THRAP3: variants seen among roughly 807,000 people sequenced by gnomAD.
THRAP3 encodes thyroid hormone receptor associated protein 3, also known as thyroid hormone receptor-associated protein 3.
In THRAP3, 16 loss-of-function variants were observed where a neutral mutation model predicts 101.0. The ratio of observed to expected loss-of-function variants is 0.16; its 90% CI spans 0.11 to 0.24. THRAP3 has a LOEUF of 0.24. Ranked by LOEUF, THRAP3 falls within the 10% of genes least tolerant of loss-of-function variation. THRAP3 has a pLI of 1.00. For synonymous variants in THRAP3, 407 were observed against 422.6 expected (o/e 0.96, Z 0.45); for missense variants, 989 against 1,202.7 (o/e 0.82, Z 2.63).
At chr1:36,263,673 A>AT (rs567700526) in intron 2 of THRAP3, among the ~76,000 whole-genome samples, 19 of 151,966 alleles carry the variant, frequency 1.3e-4, no homozygotes, top group Non-Finnish European at 2.1e-4. Flanking sequence ...TGAATTGAAT[A>AT]TTTTTTTTAA....
chr1:36,238,012 T>A (rs1485971823), intron 1 of THRAP3, among the ~76,000 whole-genome samples: 1 of 152,122 alleles, frequency 6.6e-6, no homozygotes, highest in South Asian at 2.1e-4. Context: ...TTTTTCTTTT[T>A]TTTAATAGAG....
At chr1:36,274,413 A>G (rs1379522140) in intron 2 of THRAP3, among the ~76,000 whole-genome samples, 2 of 152,192 alleles carry the variant, frequency 1.3e-5, no homozygotes, top group Admixed American at 1.3e-4. Flanking sequence ...AGAAATTGGC[A>G]TGCTGATTCT....
At chr1:36,280,836 G>A (rs540370506) in intron 2 of THRAP3, among the ~76,000 whole-genome samples, 2 of 151,696 alleles carry the variant, frequency 1.3e-5, no homozygotes, top group East Asian at 1.9e-4. Flanking sequence ...ACTTAGAGGC[G>A]CTCTTCTTTC....
rs1376152806 is a variant in THRAP3, at chr1:36,278,061, C to CTT, written c.-31-4472_-31-4471insTT. Among the ~76,000 whole-genome samples, 776 of 132,818 alleles carry CTT rather than the reference C, an allele frequency of 5.8e-3. 19 individuals are homozygous for CTT. Among genetic ancestry groups the CTT allele is most frequent in the Non-Finnish European group, 8.5e-3 (533 of 62,684 alleles). The allele number at this position is 132,818 out of a possible 152,430, so 87.1% of individuals were successfully genotyped here. A position where few individuals can be genotyped will look rare whatever the true frequency, so the allele number is the denominator to read the frequency against. ...GGGTTACGGTCGTGAGCCCAGCCCC[C>CTT]CTTTTTTTTTTTTTTTTTTTTAAGA... On this transcript the variant is annotated intron_variant, in intron 2 of 11. Transcript: ENST00000354618.
the THRAP3 span, among the ~76,000 whole-genome samples, chr1:36,212,695 C>T: frequency 1.3e-5 from 2 of 152,132 alleles, no homozygotes; most frequent in Non-Finnish European, 2.9e-5. Context: ...GCTGGGATTA[C>T]AAGCATGTGC....
chr1:36,252,095 G>T (rs752649168), intron 1 of THRAP3, among the ~76,000 whole-genome samples: 2 of 152,148 alleles, frequency 1.3e-5, no homozygotes, highest in Admixed American at 6.6e-5. Flanking sequence ...ACAGTTTTGA[G>T]AATTACTATT....
At position 36,289,529 on chromosome 1, in the gene THRAP3, C is replaced by G. The variant is rs780659896; in HGVS notation, c.1510C>G (p.Arg504Gly). The change falls in exon 5 of 12, where the codon CGG becomes GGG. Residue 504 changes from arginine (R) to glycine (G), a missense_variant. Physicochemically the swap from Arg to Gly is moderately radical, Grantham distance 125. Coordinates refer to ENST00000354618, the MANE Select transcript of THRAP3 (RefSeq NM_005119.4). ...CCCAGAGAGATCCAAAAAGGAAGAT[C>G]GGGGCAAGAGAAGCGAAGGTGGGCA... is the stretch of plus-strand genomic sequence containing the variant. ...SFPERSKKED[R>G]GKRSEGGHRG... is the part of the protein sequence containing the mutation. The G allele has an allele frequency of 6.8e-6, 11 of 1,613,846 alleles. No individual in the cohort carries two copies. Among genetic ancestry groups the G allele is most frequent in the African/African-American group, 1.3e-5 (1 of 74,874 alleles).
At chr1:36,256,905 C>T (rs890102631) in intron 1 of THRAP3, among the ~76,000 whole-genome samples, 10 of 152,094 alleles carry the variant, frequency 6.6e-5, no homozygotes, top group Admixed American at 1.3e-4. Flanking sequence ...AAGTGATTCT[C>T]CTGCCTCAGC....
At chr1:36,240,643 GT>G (rs1211077445) in intron 1 of THRAP3, among the ~76,000 whole-genome samples, 2 of 152,164 alleles carry the variant, frequency 1.3e-5, no homozygotes, top group African/African-American at 4.8e-5. Context: ...CCTCTGTCCA[GT>G]CAAGTTGACA....
At chr1:36,255,829 G>GA (rs1002903394) in intron 1 of THRAP3, among the ~76,000 whole-genome samples, 14 of 150,566 alleles carry the variant, frequency 9.3e-5, no homozygotes, top group Non-Finnish European at 1.5e-4. Flanking sequence ...GTGAGATAAG[G>GA]AAAAAAAAAT....
intron 2 of THRAP3, among the ~76,000 whole-genome samples, chr1:36,273,465 A>T (rs958808103): frequency 6.6e-6 from 1 of 152,234 alleles, no homozygotes; most frequent in African/African-American, 2.4e-5. Context: ...TACAGCTAAC[A>T]TCATACTTAA....
At chr1:36,253,320 G>A (rs993867805) in intron 1 of THRAP3, among the ~76,000 whole-genome samples, 1 of 152,060 alleles carries the variant, frequency 6.6e-6, no homozygotes, top group Non-Finnish European at 1.5e-5. Context: ...AGATTAGATG[G>A]AAGCTCCTTA....
chr1:36,272,760 C>G (rs1645607606), intron 2 of THRAP3, among the ~76,000 whole-genome samples: 1 of 152,104 alleles, frequency 6.6e-6, no homozygotes, highest in Admixed American at 6.6e-5. Flanking sequence ...GCTCTCCTGA[C>G]TGGATGTTGG....
chr1:36,274,625 CTTTTTTTTTTTT>C (rs573419051), intron 2 of THRAP3, among the ~76,000 whole-genome samples: 120 of 59,328 alleles, frequency 2.0e-3, no homozygotes, highest in African/African-American at 6.5e-3. Context: ...ATTAATTGGG[CTTTTTTTTTTTT>C]TTTTTTTTTT....
At chr1:36,210,656 C>A in the THRAP3 span, among the ~76,000 whole-genome samples, 1 of 63,138 alleles carries the variant, frequency 1.6e-5, no homozygotes, top group Admixed American at 1.8e-4. Flanking sequence ...CTCCACTGCA[C>A]TCTAGCCTGG....
chr1:36,238,759 G>C lies in THRAP3; in HGVS notation c.-135+14254G>C, dbSNP rs866382370. Among the ~76,000 whole-genome samples, 3 of 151,746 alleles carry C rather than the reference G, an allele frequency of 2.0e-5. No individual in the cohort carries two copies. In the South Asian group the frequency reaches 6.3e-4, roughly 32 times the overall value. On this transcript the variant is annotated intron_variant, in intron 1 of 11. Transcript: ENST00000354618. ...CTTATTTCATTGCCCAGGCTGGAGT[G>C]CAGTGGTGCAGTCATAGCTTACTAC... is the stretch of plus-strand genomic sequence containing the variant.
chr1:36,267,242 G>T (rs1645527122), intron 2 of THRAP3, among the ~76,000 whole-genome samples: 1 of 152,146 alleles, frequency 6.6e-6, no homozygotes, highest in Non-Finnish European at 1.5e-5. Context: ...CAGTGTATGT[G>T]TATGTGTGGG....
rs374049464 is a variant in THRAP3, at chr1:36,288,091, T to C, written c.1040+821T>C. ...TTTGACTTGATTAAGCTTTCTGCAT[T>C]AATGGTACAGATGAGATGTTTTGAA... On this transcript the variant is annotated intron_variant, in intron 4 of 11. Coordinates refer to ENST00000354618, the MANE Select transcript of THRAP3 (RefSeq NM_005119.4). 6.1e-6 allele frequency: 6 copies of C among 984,792 alleles called. No individual in the cohort carries two copies. In the African/African-American group the frequency reaches 1.0e-4, roughly 17 times the overall value. 61.0% of individuals were successfully genotyped at this position (984,792 alleles called of 1,614,324 possible).
At chr1:36,246,354 T>TC (rs1304708253) in intron 1 of THRAP3, among the ~76,000 whole-genome samples, 1 of 152,142 alleles carries the variant, frequency 6.6e-6, no homozygotes, top group East Asian at 1.9e-4. Flanking sequence ...TGCCTCAGCC[T>TC]CCTAAGTAGC....
Sources: gnomAD v4.1 joint callset for allele counts (sites outside exome capture counted in the v4.1 genomes callset) on GRCh38, gnomAD v4.1.1 for gene constraint, MANE v1.5 for transcripts, NCBI Gene and HGNC (gene_info 2026-07-23, HGNC 2026-07-21) for gene names.